PHB2: variants seen among roughly 807,000 people sequenced by gnomAD.
The protein encoded by PHB2 is prohibitin-2.
In PHB2, 22 loss-of-function variants were observed where a neutral mutation model predicts 46.4. The observed-to-expected ratio is 0.47, with a 90% CI of 0.34 to 0.68. The LOEUF (loss-of-function observed/expected upper bound fraction) is 0.68. Among genes scored for constraint, PHB2 ranks in the 30% least tolerant of loss-of-function variants. PHB2 has a pLI of 0.01. For synonymous variants in PHB2, 156 were observed against 150.5 expected, an observed-to-expected ratio of 1.04 and a Z score of -0.27; for missense variants, 305 against 382.8, an observed-to-expected ratio of 0.80 and a Z score of 1.70.
chr12:6,968,063 G>A (rs1555151197), intron 4 of PHB2, 42 bp from the exon 5 acceptor site: 2 of 1,543,150 alleles, frequency 1.3e-6, no homozygotes, highest in East Asian at 2.3e-5. Flanking sequence ...GGTGGTTTGA[G>A]GGGACTGGGG....
In PHB2 at chr12:6,970,500, C is replaced by A; in HGVS notation, c.44G>T (p.Gly15Val). ...LKDLAGRLPA[G>V]PRGMGTALKL... ...CAGGGCCGTGCCCATGCCCCGGGGC[C>A]CGGCGGGCAGCCGTCCCGCCAAGTC... Residue 15 changes from glycine to valine, a missense_variant, in exon 1 of 10, where the codon GGG becomes GTG. By Grantham distance (109) the Gly-to-Val change is moderately radical. Around this residue, in one of 3 missense-constraint regions of PHB2, gnomAD observed 60 missense variants for 61.0 expected, o/e 0.98. Transcript: ENST00000535923. The A allele has an allele frequency of 6.2e-7, 1 of 1,604,758 alleles. No homozygotes were observed.
At position 6,970,187 on chromosome 12, in the gene PHB2, C is replaced by A. The variant is rs782297873; in HGVS notation, c.212+9G>T. ...AAGGTCAGGGTCAGCAGGCTCTGCC[C>A]GCCATTACCTGAAGTGAAGGCCCTC... On this transcript the variant is annotated intron_variant, in intron 2 of 9. Coordinates refer to ENST00000535923, the MANE Select transcript of PHB2 (RefSeq NM_001144831.2). 1 of 1,605,620 alleles carries A rather than the reference C, an allele frequency of 6.2e-7. No individual in the cohort carries two copies. Among genetic ancestry groups the A allele is most frequent in the African/African-American group, 1.3e-5 (1 of 74,754 alleles).
intron 8 of PHB2, among the ~76,000 whole-genome samples, 191 bp downstream of exon 8, chr12:6,966,233 A>G (rs1273977991): frequency 6.6e-6 from 1 of 152,220 alleles, no homozygotes; most frequent in East Asian, 1.9e-4. Context: ...TTTTTATGTG[A>G]ATAATCCTAT....
At chr12:6,969,652 C>G in intron 2 of PHB2, 75 bp from the exon 3 acceptor site, 1 of 809,606 alleles carries the variant, frequency 1.2e-6, no homozygotes, top group South Asian at 1.5e-5. Flanking sequence ...GTAATCCCAG[C>G]ACTTTGGGAG....
chr12:6,966,564 A>T (rs1411630871), intron 7 of PHB2, 64 bp from the exon 8 acceptor site: 3 of 971,170 alleles, frequency 3.1e-6, no homozygotes, highest in Non-Finnish European at 5.1e-6. Context: ...GACCCCTGCA[A>T]TTCAGCAGCT....
rs782221432 is a variant in PHB2 at position 6,967,920 on chromosome 12, G to A, written c.579C>T (p.Tyr193=). Residue 193 remains tyrosine, a synonymous_variant, in exon 5 of 10, where the codon TAC becomes TAT. Transcript: ENST00000535923. This position sits in a 1 kb window ranked among gnomAD's most constrained non-coding sequence, Gnocchi z 4.9. The part of the protein sequence containing the change: ...AITELSFSRE[Y]TAAVEAKQVA... ...CTTGTTTGGCTTCTACAGCAGCTGT[G>A]TACTCTCGGCTAAAGCTCAGCTCTG... The A allele has an allele frequency of 6.2e-7, 1 of 1,613,868 alleles. No individual in the cohort carries two copies. Among genetic ancestry groups the A allele is most frequent in the South Asian group, 1.1e-5 (1 of 91,068 alleles).
chr12:6,969,926 T>G, intron 2 of PHB2: 1 of 649,670 alleles, frequency 1.5e-6, no homozygotes, highest in Non-Finnish European at 2.8e-6. Context: ...AAGGCCGCAG[T>G]TTCACTAGCC....
chr12:6,969,548 T>C lies in PHB2; in HGVS notation c.242A>G (p.Tyr81Cys), dbSNP rs1456814604. Residue 81 changes from tyrosine to cysteine, a missense_variant, in exon 3 of 10, where the codon TAT (tyrosine) becomes TGT (cysteine). Physicochemically the swap from Tyr to Cys is radical, Grantham distance 194 (BLOSUM62 -2). Transcript: ENST00000535923. Reference protein sequence around the residue: ...RIPWFQYPIIYDIRARPRKIS... With the variant: ...RIPWFQYPIICDIRARPRKIS... ...TTTTCGAGGTCTGGCCCGAATGTCA[T>C]AGATAATGGGGTACTGGAACCAAGG... 3.1e-6 allele frequency: 5 copies of C among 1,609,656 alleles called. No homozygotes were observed. Among genetic ancestry groups the C allele is most frequent in the East Asian group, 2.2e-5 (1 of 44,800 alleles).
At chr12:6,966,124 C>T (rs1457211450) in intron 8 of PHB2, among the ~76,000 whole-genome samples, 3 of 152,160 alleles carry the variant, frequency 2.0e-5, no homozygotes, top group African/African-American at 7.2e-5. Context: ...TCCTAACATC[C>T]CTCCATTCAC....
Position 6,970,405 on chromosome 12 carries a change from G to A in PHB2, c.127+12C>T. ...ACTGGAAGCGTCCGGCGAGCAGGCG[G>A]AGGTTGCTCACCGGTGAACACAGAT... is the stretch of plus-strand genomic sequence containing the variant. On this transcript the variant is annotated intron_variant, in intron 1 of 9. Coordinates refer to ENST00000535923, the MANE Select transcript of PHB2 (RefSeq NM_001144831.2). 3 of 1,603,812 alleles carry A rather than the reference G, an allele frequency of 1.9e-6. No homozygotes were observed. The highest frequency in any genetic ancestry group is 2.5e-6 in the Non-Finnish European group (3 of 1,179,696).
chr12:6,966,386 T>C, intron 8 of PHB2, 38 bp downstream of exon 8: 1 of 1,282,454 alleles, frequency 7.8e-7, no homozygotes. Flanking sequence ...AGGTCCCACG[T>C]TCTTGGTGAT....
intron 7 of PHB2, among the ~76,000 whole-genome samples, chr12:6,966,760 T>C (rs1463028062): frequency 6.6e-6 from 1 of 152,188 alleles, no homozygotes; most frequent in Non-Finnish European, 1.5e-5. Context: ...TTTATTTATT[T>C]TTGAGACGGA....
Position 6,968,548 on chromosome 12 carries a change from C to T in PHB2, c.340G>A (p.Ala114Thr). 6.2e-7 allele frequency: 1 copy of T among 1,613,802 alleles called. No homozygotes were observed. Among genetic ancestry groups the T allele is most frequent in the South Asian group, 1.1e-5 (1 of 91,026 alleles). ...ISLRVLSRPN[A>T]QELPSMYQRL... ...TGGTACATGCTAGGAAGCTCCTGAG[C>T]ATTGGGTCGAGACAACACTCGCAGG... Residue 114 changes from alanine to threonine, a missense_variant, in exon 4 of 10, where the codon GCT (alanine) becomes ACT (threonine). By Grantham distance (58) the Ala-to-Thr change is moderately conservative. Coordinates refer to ENST00000535923, the MANE Select transcript of PHB2 (RefSeq NM_001144831.2).
At chr12:6,968,240 C>G (rs1469867776) in intron 4 of PHB2, among the ~76,000 whole-genome samples, 171 bp downstream of exon 4, 1 of 152,226 alleles carries the variant, frequency 6.6e-6, no homozygotes, top group Non-Finnish European at 1.5e-5. Flanking sequence ...CGAGTGCTAT[C>G]GAGTTCTAAT....
At position 6,970,223 on chromosome 12, in the gene PHB2, G is replaced by A; in HGVS notation, c.185C>T (p.Thr62Ile). The A allele has an allele frequency of 2.5e-6, 4 of 1,613,786 alleles. No homozygotes were observed. The highest frequency in any genetic ancestry group is 3.4e-6 in the Non-Finnish European group (4 of 1,179,804). Residue 62 changes from threonine (T) to isoleucine (I), a missense_variant, in exon 2 of 10, where the codon ACT (threonine) becomes ATT (isoleucine). Transcript: ENST00000535923. ...FNRIGGVQQD[T>I]ILAEGLHFRI... The stretch of plus-strand genomic sequence containing the variant: ...GAAGTGAAGGCCCTCGGCCAGGATA[G>A]TGTCCTGCTGCACTCCACCGATCCG...
intron 7 of PHB2, among the ~76,000 whole-genome samples, chr12:6,966,957 C>G (rs1166267936): frequency 6.6e-6 from 1 of 152,178 alleles, no homozygotes; most frequent in Non-Finnish European, 1.5e-5. Context: ...CCATGTTGGC[C>G]AGGCTGGTCT....
At position 6,966,424 on chromosome 12, in the gene PHB2, C is replaced by T; in HGVS notation, c.866G>A (p.Arg289Lys). 6.3e-7 allele frequency: 1 copy of T among 1,589,904 alleles called. No homozygotes were observed. Reference sequence around the variant, plus strand: ...CCCACAGTGTGGCCACATCTCTCACCTGGTGAAACTTTCATCCTGTAGGTT... The same window carrying T: ...CCCACAGTGTGGCCACATCTCTCACTTGGTGAAACTTTCATCCTGTAGGTT... ...VLNLQDESFT[R>K]GSDSLIKGKK is the part of the protein sequence containing the mutation. The change falls in exon 8 of 10, where the codon AGG becomes AAG. Residue 289 changes from arginine (R) to lysine (K), a missense_variant and splice_region_variant. Coordinates refer to ENST00000535923, the MANE Select transcript of PHB2 (RefSeq NM_001144831.2).
intron 3 of PHB2, 156 bp from the exon 4 acceptor site, chr12:6,968,751 C>T (rs1325466418): frequency 1.8e-5 from 12 of 685,672 alleles, no homozygotes; most frequent in African/African-American, 5.3e-5. Flanking sequence ...GAAGACAAGA[C>T]GCAGCACAGC....
At chr12:6,970,684 C>A, upstream of PHB2, 2 of 1,099,504 alleles carry the variant, frequency 1.8e-6, no homozygotes, top group Non-Finnish European at 2.5e-6. Flanking sequence ...CGGAAGTGCG[C>A]TCCCTTTGAA....
Sources: gnomAD v4.1 joint callset for allele counts (sites outside exome capture counted in the v4.1 genomes callset) on GRCh38, gnomAD v4.1.1 for gene constraint, gnomAD v4.1.1 regional missense constraint, Gnocchi (gnomAD v3.1) non-coding constraint, MANE v1.5 for transcripts, NCBI Gene and HGNC (gene_info 2026-07-23, HGNC 2026-07-21) for gene names.